PLA2G4D: variants seen among roughly 807,000 people sequenced by gnomAD.
The protein encoded by PLA2G4D is cytosolic phospholipase A2 delta.
PLA2G4D carries 80 observed loss-of-function variants against 94.4 expected under a neutral mutation model. The ratio of observed to expected loss-of-function variants is 0.85; its 90% CI spans 0.71 to 1.02. The LOEUF (loss-of-function observed/expected upper bound fraction) is 1.02, where lower values mean the gene tolerates loss of function less well. PLA2G4D is among the 50% of genes least tolerant of loss of function. PLA2G4D has a pLI of 0.00. For missense variants in PLA2G4D, 1,050 were observed against 1,034.7 expected (o/e 1.01, Z -0.20); for synonymous variants, 438 against 440.9 (o/e 0.99, Z 0.08).
intron 13 of PLA2G4D, among the ~76,000 whole-genome samples, chr15:42,078,503 G>T (rs1176145456): frequency 6.6e-6 from 1 of 152,182 alleles, no homozygotes. Context: ...TTTGCATAAT[G>T]AATATGTATA....
At chr15:42,077,130 T>G (rs1490600264) in intron 13 of PLA2G4D, among the ~76,000 whole-genome samples, 2 of 152,178 alleles carry the variant, frequency 1.3e-5, no homozygotes, top group African/African-American at 2.4e-5. Flanking sequence ...ACCTGATGGC[T>G]TCACTGCTGA....
chr15:42,087,840 C>A lies in PLA2G4D; in HGVS notation c.46-140G>T. 3 of 816,782 alleles carry A rather than the reference C, an allele frequency of 3.7e-6. No homozygotes were observed. In the Admixed American group the frequency reaches 7.8e-5, roughly 21 times the overall value. 50.6% of individuals were successfully genotyped at this position (816,782 alleles called of 1,614,324 possible). On this transcript the variant is annotated intron_variant, in intron 1 of 19. Transcript: ENST00000290472. ...ACCCCTGCCAGGCGTTCCGGGGACA[C>A]CCTCTGGGGACCAAAGAGCCTTTGT...
At chr15:42,069,885 G>A (rs1420570666) in intron 19 of PLA2G4D, 24 bp downstream of exon 19, 12 of 1,393,652 alleles carry the variant, frequency 8.6e-6, no homozygotes, top group African/African-American at 1.5e-5. Context: ...AGGCAGCCTG[G>A]GTGCTTGGGA....
intron 14 of PLA2G4D, 87 bp downstream of exon 14, chr15:42,072,188 G>T: frequency 8.0e-7 from 1 of 1,254,370 alleles, no homozygotes; most frequent in Non-Finnish European, 1.1e-6. Context: ...TCTGTGCGGA[G>T]CTTCCAGCAT....
intron 12 of PLA2G4D, 142 bp downstream of exon 12, chr15:42,080,855 T>G: frequency 8.4e-7 from 1 of 1,185,024 alleles, no homozygotes; most frequent in Non-Finnish European, 1.1e-6. Flanking sequence ...GTTTCCTTCC[T>G]TGTGGGAAAG....
chr15:42,081,781 T>C lies in PLA2G4D; in HGVS notation c.821+16A>G. ...GCCCGCCTCTCACTGTCCCCACAGA[T>C]GTGAATGTCCCTTACCAGCCCTCTG... On this transcript the variant is annotated intron_variant, in intron 10 of 19. Coordinates refer to ENST00000290472, the MANE Select transcript of PLA2G4D (RefSeq NM_178034.4). 6.2e-7 allele frequency: 1 copy of C among 1,614,174 alleles called. No homozygotes were observed. The highest frequency in any genetic ancestry group is 8.5e-7 in the Non-Finnish European group (1 of 1,180,010).
At chr15:42,086,025 T>G (rs1370677201) in intron 4 of PLA2G4D, among the ~76,000 whole-genome samples, 188 bp downstream of exon 4, 1 of 152,272 alleles carries the variant, frequency 6.6e-6, no homozygotes, top group Non-Finnish European at 1.5e-5. Flanking sequence ...CACTGGGTGA[T>G]TCAGCCTGTA....
chr15:42,078,816 G>C (rs1889977360), intron 13 of PLA2G4D, among the ~76,000 whole-genome samples: 1 of 151,848 alleles, frequency 6.6e-6, no homozygotes, highest in African/African-American at 2.4e-5. Context: ...GCTTTGTTCA[G>C]ATAGTTATGT....
Position 42,087,312 on chromosome 15 carries a change from T to A in PLA2G4D, c.243A>T (p.Gln81His), listed in dbSNP as rs138647693. 9.8e-5 allele frequency: 158 copies of A among 1,613,848 alleles called. No individual in the cohort carries two copies. Among genetic ancestry groups the A allele is most frequent in the Non-Finnish European group, 1.3e-4 (150 of 1,179,990 alleles). Reference protein sequence around the residue: ...VWNEAFRFLIQSQVKNVLELS... With the variant: ...VWNEAFRFLIHSQVKNVLELS... ...CCCGGGCCTTCACCTTGACCTGACT[T>A]TGGATAAGGAAACGGAAGGCCTCAT... The change falls in exon 3 of 20, where the codon CAA becomes CAT. Residue 81 changes from glutamine to histidine, a missense_variant. By Grantham distance (24) the Gln-to-His change is conservative. Transcript: ENST00000290472.
At chr15:42,069,012 G>A in intron 19 of PLA2G4D, 71 bp from the exon 20 acceptor site, 1 of 1,395,308 alleles carries the variant, frequency 7.2e-7, no homozygotes, top group Middle Eastern at 2.4e-4. Context: ...GGCGCACAGG[G>A]AGGGCTGCCC....
chr15:42,088,628 C>T (rs1053290107), intron 1 of PLA2G4D, among the ~76,000 whole-genome samples: 3 of 152,174 alleles, frequency 2.0e-5, no homozygotes, highest in African/African-American at 4.8e-5. Flanking sequence ...TTACTCAAAT[C>T]GGTTTGGCAG....
intron 3 of PLA2G4D, among the ~76,000 whole-genome samples, chr15:42,086,633 C>T (rs1311789907): frequency 2.0e-5 from 3 of 151,980 alleles, no homozygotes; most frequent in East Asian, 3.9e-4. Context: ...GGTGGGTCAC[C>T]TGATGTCGAG....
In PLA2G4D at chr15:42,081,095, G is replaced by T. The variant is rs949211366; in HGVS notation, c.996C>A (p.Ala332=). The change falls in exon 12 of 20, where the codon GCC becomes GCA. Residue 332 remains alanine, a synonymous_variant. Coordinates refer to ENST00000290472, the MANE Select transcript of PLA2G4D (RefSeq NM_178034.4). ...VVGIMATGGG[A]RAMTSLYGHL... ...GGCCGTAGAGTGAGGTCATGGCCCG[G>T]GCACCTCCTCCTGTGGCCATGATGC... is the stretch of plus-strand genomic sequence containing the variant. 7 of 1,614,162 alleles carry T rather than the reference G, an allele frequency of 4.3e-6. No homozygotes were observed. Among genetic ancestry groups the T allele is most frequent in the Non-Finnish European group, 5.9e-6 (7 of 1,180,010 alleles).
rs140571431 is a variant in PLA2G4D at position 42,071,268 on chromosome 15, C to T, written c.1731G>A (p.Ser577=). 2.3e-5 allele frequency: 37 copies of T among 1,603,422 alleles called. 1 individual carries two copies. The highest frequency in any genetic ancestry group is 5.4e-5 in the African/African-American group (4 of 74,194). The change falls in exon 17 of 20, where the codon TCG becomes TCA. Residue 577 remains serine (S), a synonymous_variant. Coordinates refer to ENST00000290472, the MANE Select transcript of PLA2G4D (RefSeq NM_178034.4). Reference sequence around the variant, plus strand: ...CCAGCGCCGTGCCTGGCTGCAGCCACGAGGCCTCCAGCCGCGAGGAGGTCC... The same window carrying T: ...CCAGCGCCGTGCCTGGCTGCAGCCATGAGGCCTCCAGCCGCGAGGAGGTCC... ...TSGTSSRLEA[S]WLQPGTALAQ... is the part of the protein sequence containing the mutation.
chr15:42,086,236 T>G lies in PLA2G4D; in HGVS notation c.364A>C (p.Lys122Gln). 1.6e-6 allele frequency: 2 copies of G among 1,227,260 alleles called. No homozygotes were observed. Among genetic ancestry groups the G allele is most frequent in the Non-Finnish European group, 2.2e-6 (2 of 911,692 alleles). The allele number at this position is 1,227,260 out of a possible 1,614,324, so 76.0% of individuals were successfully genotyped here. Residue 122 changes from lysine (K) to glutamine (Q), a missense_variant, in exon 4 of 20, where the codon AAA (lysine) becomes CAA (glutamine). Physicochemically the swap from Lys to Gln is moderately conservative, Grantham distance 53. Transcript: ENST00000290472. ...SEVLPGKLLR[K>Q]TFSQSPQGEE... ...ACCTGGGGACTCTGGGAGAAGGTTT[T>G]CCGGAGCAGCTTGCCAGGGAGGACT... is the stretch of plus-strand genomic sequence containing the variant.
chr15:42,084,073 T>G lies in PLA2G4D; in HGVS notation c.472-294A>C, dbSNP rs1055606159. 2.5e-6 allele frequency: 1 copy of G among 394,478 alleles called. No individual in the cohort carries two copies. Among genetic ancestry groups the G allele is most frequent in the East Asian group, 4.4e-5 (1 of 22,524 alleles). The allele number at this position is 394,478 out of a possible 1,614,324, so 24.4% of individuals were successfully genotyped here. A position where few individuals can be genotyped will look rare whatever the true frequency, so the allele number is the denominator to read the frequency against. ...GCGCCCAGCCCTCAGACACAGCTGTTTCTTCTCTTGTTTCCCTGTGGCTTG... is the reference window on the plus strand; with the variant it reads ...GCGCCCAGCCCTCAGACACAGCTGTGTCTTCTCTTGTTTCCCTGTGGCTTG... On this transcript the variant is annotated intron_variant, in intron 6 of 19. Coordinates refer to ENST00000290472, the MANE Select transcript of PLA2G4D (RefSeq NM_178034.4). The surrounding 1 kb of genome is among the most constrained non-coding windows in gnomAD (Gnocchi z 4.8).
intron 18 of PLA2G4D, 36 bp from the exon 19 acceptor site, chr15:42,070,131 CG>C: frequency 6.9e-7 from 1 of 1,452,762 alleles, no homozygotes; most frequent in Non-Finnish European, 9.0e-7. Flanking sequence ...AGAACCAGCC[CG>C]GCCCAGGTCA....
Position 42,081,500 on chromosome 15 carries a change from G to C in PLA2G4D, c.936C>G (p.Asp312Glu), listed in dbSNP as rs1185057156. The change falls in exon 11 of 20, where the codon GAC becomes GAG. Residue 312 changes from aspartate to glutamate, a missense_variant. Asp to Glu is a conservative substitution (Grantham distance 45). Coordinates refer to ENST00000290472, the MANE Select transcript of PLA2G4D (RefSeq NM_178034.4). ...AGACCTCATCCTCCTGCAGGTCTCTGTCCAGCTGCAGGGCCTGCTTCAGGG... is the reference window on the plus strand; with the variant it reads ...AGACCTCATCCTCCTGCAGGTCTCTCTCCAGCTGCAGGGCCTGCTTCAGGG... ...AKALKQALQL[D>E]RDLQEDEVPV... 2 of 1,613,918 alleles carry C rather than the reference G, an allele frequency of 1.2e-6. No homozygotes were observed. Among genetic ancestry groups the C allele is most frequent in the Admixed American group, 3.3e-5 (2 of 59,990 alleles).
chr15:42,093,055 G>A (rs540661540), intron 1 of PLA2G4D, among the ~76,000 whole-genome samples: 77 of 152,288 alleles, frequency 5.1e-4, no homozygotes, highest in African/African-American at 1.7e-3. Context: ...CACACGGCAG[G>A]CACGTTCCAG....
Sources: gnomAD v4.1 joint callset for allele counts (sites outside exome capture counted in the v4.1 genomes callset) on GRCh38, gnomAD v4.1.1 for gene constraint, Gnocchi (gnomAD v3.1) non-coding constraint, MANE v1.5 for transcripts, NCBI Gene and HGNC (gene_info 2026-07-23, HGNC 2026-07-21) for gene names.